The following FBXO11 variants were observed in gnomAD, a reference collection of about 807,000 sequenced individuals.
FBXO11 encodes the protein F-box protein 11.
A neutral mutation model predicts 117.0 loss-of-function variants in FBXO11; 13 were observed. The observed-to-expected ratio is 0.11, with a 90% CI of 0.07 to 0.18. The LOEUF is 0.18. Among genes scored for constraint, FBXO11 ranks in the 10% least tolerant of loss-of-function variants. The pLI is 1.00. For missense variants in FBXO11, 767 were observed against 1,164.4 expected, an observed-to-expected ratio of 0.66 and a Z score of 4.97; for synonymous variants, 490 against 380.5, an observed-to-expected ratio of 1.29 and a Z score of -3.35.
At chr2:47,850,740 T>G (rs189266785) in intron 1 of FBXO11, among the ~76,000 whole-genome samples, 18 of 152,318 alleles carry the variant, frequency 1.2e-4, no homozygotes, top group Non-Finnish European at 4.4e-5. Flanking sequence ...ATTCAAGGAT[T>G]AAAGTCTCTT....
chr2:47,902,174 T>C (rs1678347588), intron 1 of FBXO11, among the ~76,000 whole-genome samples: 1 of 152,210 alleles, frequency 6.6e-6, no homozygotes, highest in Admixed American at 6.5e-5. Flanking sequence ...GACCTCGTGG[T>C]CCACCTGCCT....
chr2:47,855,813 C>T (rs1312081000), intron 1 of FBXO11, among the ~76,000 whole-genome samples: 1 of 145,636 alleles, frequency 6.9e-6, no homozygotes, highest in African/African-American at 2.6e-5. Flanking sequence ...GCCTGGGCAA[C>T]AAGAGCGAAA....
At chr2:47,887,100 A>G (rs1254613220) in intron 1 of FBXO11, among the ~76,000 whole-genome samples, 1 of 152,134 alleles carries the variant, frequency 6.6e-6, no homozygotes, top group South Asian at 2.1e-4. Context: ...TGCCTGACCA[A>G]CATGGAGAAA....
chr2:47,904,024 T>C (rs1181272618), intron 1 of FBXO11, among the ~76,000 whole-genome samples: 1 of 152,242 alleles, frequency 6.6e-6, no homozygotes, highest in Non-Finnish European at 1.5e-5. Flanking sequence ...GCAAACTGCT[T>C]TCTCTAAGAC....
chr2:47,860,528 A>G lies in FBXO11; in HGVS notation c.233-20759T>C, dbSNP rs988167888. 4.0e-5 allele frequency among the ~76,000 whole-genome samples: 6 copies of G among 150,954 alleles called. No individual in the cohort carries two copies. In the South Asian group the frequency reaches 1.2e-3, roughly 31 times the overall value. ...CAGGTTCAAGCAATTCTCCTGCCTT[A>G]GCATCCCAAGTAGCTGGGACTACAG... On this transcript the variant is annotated intron_variant, in intron 1 of 22. Coordinates refer to ENST00000403359, the MANE Select transcript of FBXO11 (RefSeq NM_001190274.2).
intron 16 of FBXO11, among the ~76,000 whole-genome samples, chr2:47,816,684 AAAC>A (rs1355212490): frequency 6.6e-6 from 1 of 152,178 alleles, no homozygotes; most frequent in Non-Finnish European, 1.5e-5. Flanking sequence ...GCAGGCGTGA[AAAC>A]AACAATCTCC....
In FBXO11 at chr2:47,834,559, G is replaced by T. The variant is rs779743737; in HGVS notation, c.934+20C>A. 4 of 1,510,494 alleles carry T rather than the reference G, an allele frequency of 2.6e-6. No homozygotes were observed. Among genetic ancestry groups the T allele is most frequent in the South Asian group, 2.7e-5 (2 of 74,854 alleles). The allele number at this position is 1,510,494 out of a possible 1,614,324, so 93.6% of individuals were successfully genotyped here. On this transcript the variant is annotated intron_variant, in intron 7 of 22. Transcript: ENST00000403359. ...ATGAGTAAAATATTAAAATTTTAAT[G>T]ACAATGCATTTCAAAATACCTGCAC...
rs1254777301 is a variant in FBXO11, at chr2:47,863,406, ATG to A, written c.233-23639_233-23638del. On this transcript the variant is annotated intron_variant, in intron 1 of 22. Transcript: ENST00000403359. Reference sequence around the variant, plus strand: ...AAGTGCTCTTAAACAGCTCGTTTACATGGCTCTGAAACAACACAGCTAAAGAA... The same window carrying A: ...AAGTGCTCTTAAACAGCTCGTTTACAGCTCTGAAACAACACAGCTAAAGAA... Among the ~76,000 whole-genome samples, 1,352 of 152,338 alleles carry A rather than the reference ATG, an allele frequency of 8.9e-3. 6 individuals carry two copies. The highest frequency in any genetic ancestry group is 0.031 in the African/African-American group (1,278 of 41,574).
chr2:47,902,030 C>T, intron 1 of FBXO11, among the ~76,000 whole-genome samples: 1 of 152,312 alleles, frequency 6.6e-6, no homozygotes, highest in African/African-American at 2.4e-5. Flanking sequence ...CAGCCTCCCG[C>T]GTTCAAGCGA....
chr2:47,858,745 T>A (rs1364747973), intron 1 of FBXO11, among the ~76,000 whole-genome samples: 9 of 148,156 alleles, frequency 6.1e-5, no homozygotes, highest in South Asian at 2.1e-4. Context: ...AAACCTGAAC[T>A]GACTTATCTA....
intron 1 of FBXO11, among the ~76,000 whole-genome samples, chr2:47,841,418 T>G (rs1373685976): frequency 6.6e-6 from 1 of 152,070 alleles, no homozygotes; most frequent in African/African-American, 2.4e-5. Context: ...TGAGTACCAA[T>G]AGTTTGTAAA....
chr2:47,832,116 C>G (rs1672238769), intron 11 of FBXO11, among the ~76,000 whole-genome samples: 1 of 152,116 alleles, frequency 6.6e-6, no homozygotes, highest in South Asian at 2.1e-4. Context: ...CCTTACTCCC[C>G]TCAAAGATCA....
Position 47,816,171 on chromosome 2 carries a change from AT to A in FBXO11, c.2007-2305del, listed in dbSNP as rs549040528. 5.3e-3 allele frequency among the ~76,000 whole-genome samples: 804 copies of A among 151,544 alleles called. 11 individuals carry two copies. Among genetic ancestry groups the A allele is most frequent in the Non-Finnish European group, 5.8e-3 (391 of 67,812 alleles). ...ACATTTGGCTCAGGGCATAACTGCA[AT>A]TTTTTTTTGTTTTGTTCTGTTTTTT... is the stretch of plus-strand genomic sequence containing the variant. On this transcript the variant is annotated intron_variant, in intron 16 of 22. Transcript: ENST00000403359.
In FBXO11 at chr2:47,820,526, GGTA is replaced by G. The variant is rs1425179399; in HGVS notation, c.1703-73_1703-71del. The G allele has an allele frequency of 2.5e-6, 3 of 1,178,554 alleles. No homozygotes were observed. In the African/African-American group the frequency reaches 4.6e-5, roughly 18 times the overall value. The allele number at this position is 1,178,554 out of a possible 1,614,324, so 73.0% of individuals were successfully genotyped here. The stretch of plus-strand genomic sequence containing the variant: ...AGAATACAGTAAGGATTTTACATTA[GGTA>G]GTGGTTAAAATTCTTACACTAGAAT... On this transcript the variant is annotated intron_variant, in intron 13 of 22. Transcript: ENST00000403359.
intron 11 of FBXO11, 58 bp downstream of exon 11, chr2:47,832,291 T>A: frequency 7.0e-7 from 1 of 1,424,320 alleles, no homozygotes; most frequent in Non-Finnish European, 9.5e-7. Flanking sequence ...TGCTGAAACA[T>A]ACTTGGAATT....
rs1553360326 is a variant in FBXO11, at chr2:47,896,330, C to CTTTTCTT, written c.232+9158_232+9159insAAGAAAA. Among the ~76,000 whole-genome samples, 273 of 142,976 alleles carry CTTTTCTT rather than the reference C, an allele frequency of 1.9e-3. 1 individual carries two copies. The highest frequency in any genetic ancestry group is 4.7e-3 in the Admixed American group (68 of 14,332). The allele number at this position is 142,976 out of a possible 152,430, so 93.8% of individuals were successfully genotyped here. ...GATCTTTCTCCAAATTGTTTCTTTT[C>CTTTTCTT]TTTTTTTTTTTTTTGAGACAAGGTC... On this transcript the variant is annotated intron_variant, in intron 1 of 22. Transcript: ENST00000403359.
intron 1 of FBXO11, among the ~76,000 whole-genome samples, chr2:47,904,917 T>A (rs1018003169): frequency 2.0e-5 from 3 of 151,436 alleles, no homozygotes; most frequent in Admixed American, 2.0e-4. Context: ...CCCTACCCCG[T>A]GACCAGGGAC....
At chr2:47,810,259 C>A in intron 19 of FBXO11, 57 bp downstream of exon 19, 2 of 1,161,442 alleles carry the variant, frequency 1.7e-6, no homozygotes, top group Non-Finnish European at 2.5e-6. Flanking sequence ...ATATACTCCA[C>A]ATCAAACACT....
chr2:47,858,778 C>T (rs909322276), intron 1 of FBXO11, among the ~76,000 whole-genome samples: 15 of 151,096 alleles, frequency 9.9e-5, no homozygotes, highest in Non-Finnish European at 1.5e-4. Context: ...GGCGCAGTGG[C>T]TTATGCCTGT....
Sources: allele counts gnomAD v4.1 joint callset (sites outside exome capture counted in the v4.1 genomes callset), GRCh38; gene constraint gnomAD v4.1.1; transcripts MANE v1.5; gene names NCBI Gene and HGNC (gene_info 2026-07-23, HGNC 2026-07-21).